Variants in TRAPPC9 observed in about 807,000 individuals in gnomAD.
TRAPPC9 encodes the protein IKK2 binding protein.
Under a neutral mutation model 124.0 loss-of-function variants are expected in TRAPPC9, and 83 were observed. That is an observed-to-expected ratio of 0.67 (90% confidence interval 0.56 to 0.80). TRAPPC9 has a LOEUF of 0.80. Among genes scored for constraint, TRAPPC9 ranks in the 30% least tolerant of loss-of-function variants. The pLI, the probability that TRAPPC9 is intolerant of heterozygous loss-of-function variation, is 0.00. For missense variants in TRAPPC9, 1,302 were observed against 1,508.3 expected, an observed-to-expected ratio of 0.86 and a Z score of 2.27; for synonymous variants, 638 against 617.5, an observed-to-expected ratio of 1.03 and a Z score of -0.49.
At chr8:140,419,199 C>CAA (rs1564011169) in intron 5 of TRAPPC9, among the ~76,000 whole-genome samples, 5 of 152,112 alleles carry the variant, frequency 3.3e-5, no homozygotes, top group Admixed American at 2.6e-4. Context: ...GAGGCCGAGG[C>CAA]GGGTGGATCA....
chr8:140,039,493 AAAACTT>A (rs1286828714), intron 17 of TRAPPC9, among the ~76,000 whole-genome samples: 2 of 152,262 alleles, frequency 1.3e-5, no homozygotes, highest in Non-Finnish European at 2.9e-5. Flanking sequence ...TATAGGTAAG[AAAACTT>A]AAACACTGAA....
intron 17 of TRAPPC9, among the ~76,000 whole-genome samples, chr8:140,171,251 A>G (rs566156255): frequency 6.6e-6 from 1 of 152,342 alleles, no homozygotes; most frequent in East Asian, 1.9e-4. Flanking sequence ...CATTACAGAG[A>G]CCAAAAAAAT....
At chr8:139,811,484 G>A (rs1294797216) in intron 21 of TRAPPC9, among the ~76,000 whole-genome samples, 1 of 152,290 alleles carries the variant, frequency 6.6e-6, no homozygotes, top group Non-Finnish European at 1.5e-5. Flanking sequence ...AATGAGTTTC[G>A]AAGAACAACA....
At chr8:139,981,630 G>C (rs1277228461) in intron 19 of TRAPPC9, among the ~76,000 whole-genome samples, 3 of 152,386 alleles carry the variant, frequency 2.0e-5, no homozygotes, top group African/African-American at 7.2e-5. Flanking sequence ...GGCGAGAGGA[G>C]TAGCCAGATA....
intron 17 of TRAPPC9, among the ~76,000 whole-genome samples, chr8:140,043,707 GC>G (rs1303740480): frequency 6.6e-6 from 1 of 152,204 alleles, no homozygotes; most frequent in African/African-American, 2.4e-5. Flanking sequence ...TTAGAGAGGG[GC>G]CCAAGAATGT....
intron 16 of TRAPPC9, among the ~76,000 whole-genome samples, chr8:140,236,953 G>A (rs2063744284): frequency 6.6e-6 from 1 of 152,062 alleles, no homozygotes; most frequent in Non-Finnish European, 1.5e-5. Context: ...GGCCAGGGAG[G>A]GCGGATCACC....
chr8:139,819,742 A>T (rs912075527), intron 21 of TRAPPC9, among the ~76,000 whole-genome samples: 14 of 152,134 alleles, frequency 9.2e-5, no homozygotes. Flanking sequence ...GGCCGGGCGC[A>T]GTGGCTCACA....
chr8:139,894,242 C>A (rs752560017), intron 20 of TRAPPC9, among the ~76,000 whole-genome samples: 1 of 152,210 alleles, frequency 6.6e-6, no homozygotes, highest in African/African-American at 2.4e-5. Context: ...TGTCGAGTCC[C>A]GGCACCAACA....
intron 17 of TRAPPC9, among the ~76,000 whole-genome samples, chr8:140,186,130 T>A (rs758339382): frequency 7.9e-5 from 12 of 152,148 alleles, no homozygotes; most frequent in Non-Finnish European, 1.5e-4. Context: ...CTAAACAAAC[T>A]TCAAAGTAAA....
intron 17 of TRAPPC9, among the ~76,000 whole-genome samples, chr8:140,148,684 T>C (rs1208165810): frequency 6.6e-6 from 1 of 152,220 alleles, no homozygotes; most frequent in East Asian, 1.9e-4. Context: ...CCGGTATGCC[T>C]TCCAGCTACC....
At chr8:140,390,864 CACAA>C (rs150338577) in intron 7 of TRAPPC9, among the ~76,000 whole-genome samples, 1,670 of 152,316 alleles carry the variant, frequency 0.011, 35 homozygotes, top group African/African-American at 0.038. Context: ...ATGAAATCCT[CACAA>C]ACAATCTCTG....
chr8:140,369,104 C>A (rs1008380899), intron 8 of TRAPPC9, among the ~76,000 whole-genome samples: 2 of 152,280 alleles, frequency 1.3e-5, no homozygotes, highest in Middle Eastern at 6.8e-3. Flanking sequence ...TACTATCTGG[C>A]CCTTTACAGA....
At chr8:140,437,160 A>ATTTTTT (rs71320360) in intron 3 of TRAPPC9, among the ~76,000 whole-genome samples, 8 of 151,004 alleles carry the variant, frequency 5.3e-5, no homozygotes, top group Non-Finnish European at 1.0e-4. Context: ...ATTTTATTTT[A>ATTTTTT]TTTTGGTAGA....
chr8:139,747,175 G>A (rs1280864727), intron 21 of TRAPPC9, among the ~76,000 whole-genome samples: 4 of 152,004 alleles, frequency 2.6e-5, no homozygotes, highest in South Asian at 2.1e-4. Flanking sequence ...AAAGACTCTC[G>A]CCACCCAGGC....
At chr8:139,935,049 T>C (rs577076988) in intron 19 of TRAPPC9, among the ~76,000 whole-genome samples, 7 of 152,310 alleles carry the variant, frequency 4.6e-5, no homozygotes, top group African/African-American at 1.4e-4. Flanking sequence ...CTAGGAGACC[T>C]GTCACTTCAC....
intron 21 of TRAPPC9, among the ~76,000 whole-genome samples, chr8:139,778,858 A>T (rs1039194786): frequency 6.6e-6 from 1 of 152,180 alleles, no homozygotes; most frequent in African/African-American, 2.4e-5. Context: ...AAAATAATTT[A>T]AAAAATAATG....
At chr8:140,162,408 C>T (rs2061766677) in intron 17 of TRAPPC9, among the ~76,000 whole-genome samples, 2 of 152,224 alleles carry the variant, frequency 1.3e-5, no homozygotes, top group African/African-American at 4.8e-5. Flanking sequence ...GCCAGTACTG[C>T]TTCCTTTATT....
chr8:139,955,789 TG>T (rs1342450937), intron 19 of TRAPPC9, among the ~76,000 whole-genome samples: 1 of 152,194 alleles, frequency 6.6e-6, no homozygotes, highest in East Asian at 1.9e-4. Context: ...GCTAACATTC[TG>T]TGTCCACTAA....
chr8:139,782,978 T>A (rs765535950), intron 21 of TRAPPC9, among the ~76,000 whole-genome samples: 13 of 151,980 alleles, frequency 8.6e-5, no homozygotes, highest in Non-Finnish European at 1.6e-4. Flanking sequence ...AGTGAGAAAT[T>A]AAGAATTATT....
Sources: gnomAD v4.1 joint callset for allele counts (sites outside exome capture counted in the v4.1 genomes callset) on GRCh38, gnomAD v4.1.1 for gene constraint, MANE v1.5 for transcripts, NCBI Gene and HGNC (gene_info 2026-07-23, HGNC 2026-07-21) for gene names.